SORL1: variants seen among roughly 807,000 people sequenced by gnomAD.
SORL1 encodes sortilin-related receptor.
In SORL1, 127 loss-of-function variants were observed where a neutral mutation model predicts 273.7. That is an observed-to-expected ratio of 0.46 (90% CI 0.40 to 0.54). SORL1 has a LOEUF of 0.54. Ranked by LOEUF, SORL1 falls within the 20% of genes least tolerant of loss-of-function variation. The pLI is 0.00. For synonymous variants in SORL1, 1,031 were observed against 1,067.4 expected (o/e 0.97, Z 0.66); for missense variants, 2,494 against 2,846.1 (o/e 0.88, Z 2.81).
In SORL1 at chr11:121,585,500, T is replaced by TATACAC. The variant is rs375453895; in HGVS notation, c.3707-721_3707-720insTACACA. On this transcript the variant is annotated intron_variant, in intron 26 of 47. Transcript: ENST00000260197. ...TCTGCCTTAAAAAAAAAAATGTATA[T>TATACAC]ACACACACACACACACACACACACA... Among the ~76,000 whole-genome samples, 5 of 137,484 alleles carry TATACAC rather than the reference T, an allele frequency of 3.6e-5. No individual in the cohort carries two copies. The South Asian group carries it at 1.2e-3, about 33-fold the overall frequency. The allele number at this position is 137,484 out of a possible 152,430, so 90.2% of individuals were successfully genotyped here. A position where few individuals can be genotyped will look rare whatever the true frequency, so the allele number is the denominator to read the frequency against.
chr11:121,535,487 C>T (rs1490530917), intron 12 of SORL1, among the ~76,000 whole-genome samples: 2 of 152,130 alleles, frequency 1.3e-5, no homozygotes, highest in Non-Finnish European at 2.9e-5. Flanking sequence ...CCCACTGTGG[C>T]TCTGTGATGT....
intron 1 of SORL1, among the ~76,000 whole-genome samples, chr11:121,466,211 C>A (rs1202791285): frequency 6.6e-6 from 1 of 152,172 alleles, no homozygotes; most frequent in African/African-American, 2.4e-5. Flanking sequence ...GTTGTTCACA[C>A]CCCGGGGTTG....
intron 3 of SORL1, among the ~76,000 whole-genome samples, chr11:121,480,287 A>G (rs80004452): frequency 0.01 from 1,546 of 152,300 alleles, 14 homozygotes; most frequent in East Asian, 0.024. Flanking sequence ...CATGATAAAT[A>G]CATATAATAG....
intron 11 of SORL1, among the ~76,000 whole-genome samples, chr11:121,532,238 G>GA (rs1365586519): frequency 2.0e-5 from 3 of 152,156 alleles, no homozygotes; most frequent in African/African-American, 7.2e-5. Context: ...CTTCATTTGG[G>GA]AAAAAAATTG....
At chr11:121,488,703 A>G (rs537697160) in intron 4 of SORL1, among the ~76,000 whole-genome samples, 26 of 152,190 alleles carry the variant, frequency 1.7e-4, no homozygotes, top group East Asian at 9.7e-4. Flanking sequence ...TCCTCCTTCA[A>G]CCCAGGTTTG....
At chr11:121,620,973 A>G (rs1436165345) in intron 43 of SORL1, 91 bp from the exon 44 acceptor site, 15 of 923,794 alleles carry the variant, frequency 1.6e-5, no homozygotes, top group Admixed American at 2.5e-5. Flanking sequence ...GGTCCCAGCT[A>G]TTAATATACT....
chr11:121,615,045 C>T lies in SORL1; in HGVS notation c.5594C>T (p.Pro1865Leu). ...GCAGTGGAATGTACCTGGACCGGCC[C>T]CCGGAATGTGGTGAGTCAGCCAGAA... is the stretch of plus-strand genomic sequence containing the variant. ...QTAVECTWTG[P>L]RNVVYGIFYA... Residue 1865 changes from proline to leucine, a missense_variant, in exon 41 of 48, where the codon CCC becomes CTC. This residue lies in a region of SORL1 where 1,609 missense variants were observed against 1,816.4 expected (regional missense o/e 0.89). Transcript: ENST00000260197. The T allele has an allele frequency of 6.3e-7, 1 of 1,597,476 alleles. No homozygotes were observed. The highest frequency in any genetic ancestry group is 8.5e-7 in the Non-Finnish European group (1 of 1,172,384).
At chr11:121,458,171 T>TA (rs1437811808) in intron 1 of SORL1, among the ~76,000 whole-genome samples, 1 of 152,218 alleles carries the variant, frequency 6.6e-6, no homozygotes, top group Non-Finnish European at 1.5e-5. Context: ...GTCTTTTTTT[T>TA]AAAGCATTCG....
chr11:121,472,200 T>C (rs1253815171), intron 2 of SORL1, among the ~76,000 whole-genome samples: 1 of 152,222 alleles, frequency 6.6e-6, no homozygotes, highest in Non-Finnish European at 1.5e-5. Context: ...AGACTCTTCA[T>C]AGACACCTGT....
chr11:121,518,979 CGCTCTG>C (rs1861994664), intron 8 of SORL1, among the ~76,000 whole-genome samples: 2 of 147,250 alleles, frequency 1.4e-5, no homozygotes, highest in African/African-American at 5.0e-5. Flanking sequence ...GTTGGAGTCT[CGCTCTG>C]TCACCAGGCT....
At chr11:121,621,862 C>T (rs1863727972) in intron 44 of SORL1, among the ~76,000 whole-genome samples, 1 of 152,224 alleles carries the variant, frequency 6.6e-6, no homozygotes. Flanking sequence ...TTATCCCATC[C>T]CATTCCTTCC....
At chr11:121,497,204 G>A (rs538803411) in intron 6 of SORL1, among the ~76,000 whole-genome samples, 155 bp downstream of exon 6, 1 of 152,298 alleles carries the variant, frequency 6.6e-6, no homozygotes, top group African/African-American at 2.4e-5. Context: ...CAACATTGAC[G>A]AACATTCCGA....
chr11:121,490,022 C>G (rs1244341674), intron 4 of SORL1, 21 bp from the exon 5 acceptor site: 1 of 1,603,142 alleles, frequency 6.2e-7, no homozygotes. Context: ...CCTCTTGCAT[C>G]ATGACCACTT....
At chr11:121,615,841 C>T (rs558745794) in intron 41 of SORL1, among the ~76,000 whole-genome samples, 3 of 152,194 alleles carry the variant, frequency 2.0e-5, no homozygotes, top group African/African-American at 7.2e-5. Flanking sequence ...TCCGATAAAC[C>T]CCTGTTCCCC....
At chr11:121,500,922 A>G (rs1462786266) in intron 6 of SORL1, among the ~76,000 whole-genome samples, 1 of 152,174 alleles carries the variant, frequency 6.6e-6, no homozygotes, top group African/African-American at 2.4e-5. Flanking sequence ...TTGAAAACCA[A>G]TTTTCAACCT....
chr11:121,511,967 G>T (rs576110849), intron 6 of SORL1, among the ~76,000 whole-genome samples: 1 of 152,184 alleles, frequency 6.6e-6, no homozygotes. Context: ...TCATTTGTAT[G>T]ATTATGTCCA....
intron 8 of SORL1, among the ~76,000 whole-genome samples, chr11:121,517,222 C>T (rs757374211): frequency 2.2e-4 from 33 of 152,222 alleles, no homozygotes; most frequent in African/African-American, 6.3e-4. Context: ...CCCATTAAGC[C>T]GCTTCTCTCC....
chr11:121,568,957 G>A (rs983576521), intron 22 of SORL1, among the ~76,000 whole-genome samples: 10 of 152,144 alleles, frequency 6.6e-5, no homozygotes, highest in African/African-American at 2.2e-4. Context: ...TACTTGTTGT[G>A]GGAAGTCCGG....
In SORL1 at chr11:121,579,325, G is replaced by A. The variant is rs1443711102; in HGVS notation, c.3580+1925G>A. On this transcript the variant is annotated intron_variant, in intron 25 of 47. Coordinates refer to ENST00000260197, the MANE Select transcript of SORL1 (RefSeq NM_003105.6). Reference sequence around the variant, plus strand: ...GTCAGATGTGAGCTCATGGTGATGTGTGGCATGACACCTCATTTTCAGACC... The same window carrying A: ...GTCAGATGTGAGCTCATGGTGATGTATGGCATGACACCTCATTTTCAGACC... Among the ~76,000 whole-genome samples the A allele has an allele frequency of 3.3e-5, 5 of 152,180 alleles. No homozygotes were observed. In the East Asian group the frequency reaches 7.7e-4, roughly 23 times the overall value.
Sources: allele counts gnomAD v4.1 joint callset (sites outside exome capture counted in the v4.1 genomes callset), GRCh38; gene constraint gnomAD v4.1.1; regional missense constraint gnomAD v4.1.1; transcripts MANE v1.5; gene names NCBI Gene and HGNC (gene_info 2026-07-23, HGNC 2026-07-21).